Variants in LINC00305 observed in about 807,000 individuals in gnomAD.
The protein encoded by LINC00305 is long intergenic non-protein coding RNA 305.
chr18:64,084,555 C>T (rs997661919), intron 3 of LINC00305, among the ~76,000 whole-genome samples: 5 of 152,202 alleles, frequency 3.3e-5, no homozygotes, highest in African/African-American at 1.2e-4. Flanking sequence ...TATTTTACTC[C>T]ATATTATAAA....
At chr18:64,122,913 G>A (rs1169612160) in intron 1 of LINC00305, among the ~76,000 whole-genome samples, 1 of 151,766 alleles carries the variant, frequency 6.6e-6, no homozygotes, top group Non-Finnish European at 1.5e-5. Flanking sequence ...TACCTTCTTA[G>A]TTAAATATAT....
chr18:64,096,257 C>T (rs947708420), intron 3 of LINC00305, among the ~76,000 whole-genome samples: 4 of 151,868 alleles, frequency 2.6e-5, no homozygotes, highest in Admixed American at 2.0e-4. Context: ...GGATTGTATG[C>T]ATATTAGTTT....
intron 1 of LINC00305, among the ~76,000 whole-genome samples, chr18:64,130,936 G>A (rs939626024): frequency 1.3e-5 from 2 of 152,112 alleles, no homozygotes; most frequent in African/African-American, 4.8e-5. Flanking sequence ...CTATGAAATG[G>A]GGCTTTAGTC....
chr18:64,132,493 C>A (rs975232381), intron 1 of LINC00305, among the ~76,000 whole-genome samples: 3 of 152,220 alleles, frequency 2.0e-5, no homozygotes, highest in Admixed American at 6.5e-5. Context: ...TTGTATAAAC[C>A]TTAGATAATT....
intron 1 of LINC00305, among the ~76,000 whole-genome samples, chr18:64,118,126 G>T (rs1457910560): frequency 6.6e-6 from 1 of 152,072 alleles, no homozygotes; most frequent in Non-Finnish European, 1.5e-5. Flanking sequence ...TTCTAGTCAG[G>T]GGGTGTCTCT....
In LINC00305 at chr18:64,083,410, T is replaced by A. The variant is rs116567345; in HGVS notation, n.541-3008A>T. On this transcript the variant is annotated intron_variant and non_coding_transcript_variant, in intron 3 of 3. Transcript: ENST00000666468. ...TTCTGATTTCCGGGAATAGTGTTTC[T>A]TCCTAAGTTCTCATACCGTGTGGTC... Among the ~76,000 whole-genome samples the A allele has an allele frequency of 3.7e-3, 569 of 152,346 alleles. 5 individuals carry two copies. The highest frequency in any genetic ancestry group is 0.013 in the African/African-American group (554 of 41,576).
intron 3 of LINC00305, among the ~76,000 whole-genome samples, chr18:64,096,715 G>A (rs2051246495): frequency 6.6e-6 from 1 of 151,742 alleles, no homozygotes; most frequent in South Asian, 2.1e-4. Context: ...TTTCCATTCA[G>A]GAATGTGGAT....
chr18:64,106,542 G>C (rs1028914349), intron 1 of LINC00305, among the ~76,000 whole-genome samples: 2 of 151,954 alleles, frequency 1.3e-5, no homozygotes, highest in African/African-American at 2.4e-5. Flanking sequence ...TTGTCATCTG[G>C]AGTTTCTGGG....
At chr18:64,083,998 CT>C (rs1023884907) in intron 3 of LINC00305, among the ~76,000 whole-genome samples, 8 of 152,322 alleles carry the variant, frequency 5.3e-5, no homozygotes, top group Non-Finnish European at 1.2e-4. Flanking sequence ...AAATGGGAAT[CT>C]GGGGTGGCCA....
Position 64,128,499 on chromosome 18 carries a change from A to T in LINC00305, n.314+20276T>A, listed in dbSNP as rs112644449. 8.1e-3 allele frequency among the ~76,000 whole-genome samples: 1,228 copies of T among 152,214 alleles called. 17 individuals carry two copies. The highest frequency in any genetic ancestry group is 0.028 in the African/African-American group (1,175 of 41,536). On this transcript the variant is annotated intron_variant and non_coding_transcript_variant, in intron 1 of 3. Coordinates refer to ENST00000666468, the Ensembl canonical transcript of LINC00305. ...AGTCTTGGTGGGTGTGTTCAACATG[A>T]CTGGCAGCTGCCTTTGATTTACCTG...
intron 1 of LINC00305, among the ~76,000 whole-genome samples, chr18:64,124,620 G>A (rs1282253557): frequency 6.6e-6 from 1 of 152,150 alleles, no homozygotes; most frequent in East Asian, 1.9e-4. Flanking sequence ...GAAAATGTTT[G>A]TTGTATTAAA....
chr18:64,136,069 C>T (rs2144272753), intron 1 of LINC00305, among the ~76,000 whole-genome samples: 1 of 152,298 alleles, frequency 6.6e-6, no homozygotes, highest in Middle Eastern at 3.4e-3. Context: ...CTGGAGGGGC[C>T]TCAGGGAAGA....
intron 1 of LINC00305, among the ~76,000 whole-genome samples, chr18:64,143,826 G>C (rs557894633): frequency 2.0e-5 from 3 of 150,200 alleles, no homozygotes; most frequent in Non-Finnish European, 4.4e-5. Flanking sequence ...TATACACAGA[G>C]ATAATTCTTA....
At chr18:64,112,237 A>G (rs928818877) in intron 1 of LINC00305, among the ~76,000 whole-genome samples, 3 of 152,110 alleles carry the variant, frequency 2.0e-5, no homozygotes, top group Non-Finnish European at 4.4e-5. Context: ...ATGGATTGAA[A>G]ATGGAAGACT....
At chr18:64,137,387 G>A (rs2051439813) in intron 1 of LINC00305, among the ~76,000 whole-genome samples, 2 of 152,172 alleles carry the variant, frequency 1.3e-5, no homozygotes, top group Admixed American at 1.3e-4. Context: ...CACTTTGTTA[G>A]GACAACCCTG....
chr18:64,095,367 G>A (rs2051241298), intron 3 of LINC00305, among the ~76,000 whole-genome samples: 1 of 152,114 alleles, frequency 6.6e-6, no homozygotes, highest in South Asian at 2.1e-4. Flanking sequence ...TCCAGGAAAG[G>A]AGCTAGTTTT....
chr18:64,096,837 A>C (rs990041456), intron 3 of LINC00305, among the ~76,000 whole-genome samples: 1 of 151,978 alleles, frequency 6.6e-6, no homozygotes, highest in East Asian at 1.9e-4. Flanking sequence ...ATTCCCAAGT[A>C]AATCTTGAAT....
At chr18:64,133,697 T>C (rs1011837677) in intron 1 of LINC00305, among the ~76,000 whole-genome samples, 2 of 152,196 alleles carry the variant, frequency 1.3e-5, no homozygotes, top group East Asian at 3.9e-4. Context: ...ACATACTCCA[T>C]GGTAAAAATC....
chr18:64,081,070 C>A (rs2051183247), intron 3 of LINC00305, among the ~76,000 whole-genome samples: 3 of 152,106 alleles, frequency 2.0e-5, no homozygotes. Context: ...CCAATATAAT[C>A]CATCTGGAAA....
Sources: gnomAD v4.1 joint callset for allele counts (sites outside exome capture counted in the v4.1 genomes callset) on GRCh38, gnomAD v4.1.1 for gene constraint, MANE v1.5 for transcripts, NCBI Gene and HGNC (gene_info 2026-07-23, HGNC 2026-07-21) for gene names.